DENND2C: variants seen among roughly 807,000 people sequenced by gnomAD.
DENND2C encodes DENN domain containing 2C.
DENND2C carries 72 observed loss-of-function variants against 112.4 expected under a neutral mutation model. That is an observed-to-expected ratio of 0.64 (90% CI 0.53 to 0.78). The LOEUF is 0.78. DENND2C is among the 30% of genes least tolerant of loss of function. DENND2C has a pLI of 0.00. For missense variants in DENND2C, 992 were observed against 1,113.8 expected (o/e 0.89, Z 1.56); for synonymous variants, 329 against 381.6 (o/e 0.86, Z 1.61).
At chr1:114,660,060 G>A (rs1657453363) in intron 1 of DENND2C, among the ~76,000 whole-genome samples, 1 of 152,126 alleles carries the variant, frequency 6.6e-6, no homozygotes. Context: ...CAAGTGCTGG[G>A]ATTAAAGGCA....
At chr1:114,604,527 T>C (rs1029020391) in intron 11 of DENND2C, among the ~76,000 whole-genome samples, 3 of 152,174 alleles carry the variant, frequency 2.0e-5, no homozygotes, top group Non-Finnish European at 2.9e-5. Flanking sequence ...TTCTGTTAAT[T>C]TGAAGAAGAA....
Position 114,662,500 on chromosome 1 carries a change from C to T in DENND2C, c.-574+7483G>A, listed in dbSNP as rs534117949. On this transcript the variant is annotated intron_variant, in intron 1 of 20. Transcript: ENST00000393274. ...CCTTTGTTGTAAATATTTATCACTG[C>T]TATGAAAACTACGAAAGTTAGACAT... is the stretch of plus-strand genomic sequence containing the variant. Among the ~76,000 whole-genome samples the T allele has an allele frequency of 6.6e-5, 10 of 152,220 alleles. No individual in the cohort carries two copies. In the East Asian group the frequency reaches 1.9e-3, roughly 29 times the overall value.
intron 2 of DENND2C, among the ~76,000 whole-genome samples, chr1:114,650,182 G>A (rs1384208340): frequency 2.0e-5 from 3 of 151,910 alleles, no homozygotes; most frequent in Non-Finnish European, 4.4e-5. Context: ...AATTAGCCAG[G>A]CGTGGTGTTG....
At chr1:114,605,316 G>A (rs1375700395) in intron 10 of DENND2C, among the ~76,000 whole-genome samples, 3 of 152,182 alleles carry the variant, frequency 2.0e-5, no homozygotes, top group African/African-American at 7.2e-5. Context: ...TTAGTGAAAA[G>A]TTTCCTATCA....
chr1:114,586,588 A>AT (rs1655044044), intron 20 of DENND2C: 1 of 152,058 alleles, frequency 6.6e-6, no homozygotes, highest in South Asian at 2.1e-4. Flanking sequence ...TGAAACTAGC[A>AT]TCATGGTTTA....
chr1:114,656,650 C>T (rs924446708), intron 1 of DENND2C, among the ~76,000 whole-genome samples: 8 of 151,524 alleles, frequency 5.3e-5, no homozygotes, highest in African/African-American at 1.9e-4. Flanking sequence ...CCTGCCTCGG[C>T]CTCCCAAAGT....
chr1:114,594,234 G>A (rs1655277431), intron 18 of DENND2C, among the ~76,000 whole-genome samples: 1 of 152,192 alleles, frequency 6.6e-6, no homozygotes, highest in Non-Finnish European at 1.5e-5. Context: ...GAAAGGGCAG[G>A]AGTCATGTGG....
rs1654945380 is a variant in DENND2C, at chr1:114,583,222, C to T, written c.*2378G>A. 1 of 152,194 alleles carries T rather than the reference C, an allele frequency of 6.6e-6. No individual in the cohort carries two copies. Among genetic ancestry groups the T allele is most frequent in the South Asian group, 2.1e-4 (1 of 4,818 alleles). 9.4% of individuals were successfully genotyped at this position (152,194 alleles called of 1,614,324 possible). Reference sequence around the variant, plus strand: ...ACAGGCTCAGTTCTATTCCCTGGACCCACATCTGTAGGAATTATATTATAC... The same window carrying T: ...ACAGGCTCAGTTCTATTCCCTGGACTCACATCTGTAGGAATTATATTATAC... On this transcript the variant is annotated 3_prime_UTR_variant, in exon 21 of 21. Coordinates refer to ENST00000393274, the MANE Select transcript of DENND2C (RefSeq NM_001256404.2).
At chr1:114,665,559 AGTTTATCACAT>A (rs1657625540) in intron 1 of DENND2C, among the ~76,000 whole-genome samples, 1 of 152,222 alleles carries the variant, frequency 6.6e-6, no homozygotes. Context: ...ACCCTTCGTA[AGTTTATCACAT>A]GTTGACTAAC....
chr1:114,588,063 CTG>C (rs1655090263), intron 18 of DENND2C, 111 bp from the exon 19 acceptor site: 1 of 899,782 alleles, frequency 1.1e-6, no homozygotes, highest in Admixed American at 2.6e-5. Context: ...GATTAAAGGA[CTG>C]AGAATAAATC....
At chr1:114,650,714 A>G (rs1241159522) in intron 2 of DENND2C, among the ~76,000 whole-genome samples, 2 of 151,458 alleles carry the variant, frequency 1.3e-5, no homozygotes, top group Non-Finnish European at 2.9e-5. Flanking sequence ...GACTACAGAC[A>G]TAACAGGCTT....
intron 1 of DENND2C, among the ~76,000 whole-genome samples, chr1:114,662,659 G>T (rs1055535452): frequency 3.3e-5 from 5 of 151,772 alleles, no homozygotes; most frequent in Non-Finnish European, 5.9e-5. Flanking sequence ...AAAAAATCTT[G>T]AATTTATTCC....
intron 4 of DENND2C, 37 bp downstream of exon 4, chr1:114,625,142 A>C: frequency 6.5e-7 from 1 of 1,531,712 alleles, no homozygotes; most frequent in Non-Finnish European, 8.7e-7. Context: ...TGTAAGGAAA[A>C]TACCTACAAG....
Position 114,625,423 on chromosome 1 carries a change from T to G in DENND2C, c.562A>C (p.Thr188Pro), listed in dbSNP as rs773604251. 6.2e-7 allele frequency: 1 copy of G among 1,614,170 alleles called. No individual in the cohort carries two copies. Among genetic ancestry groups the G allele is most frequent in the Non-Finnish European group, 8.5e-7 (1 of 1,180,016 alleles). Residue 188 changes from threonine to proline, a missense_variant, in exon 4 of 21, where the codon ACC (threonine) becomes CCC (proline). This residue lies in a region of DENND2C where 470 missense variants were observed against 472.7 expected (regional missense o/e 0.99). Coordinates refer to ENST00000393274, the MANE Select transcript of DENND2C (RefSeq NM_001256404.2). Reference sequence around the variant, plus strand: ...GAGTAAATATTTTCTAAGCTCTTGGTTATTCCGTATGAACTATCCAGAACT... The same window carrying G: ...GAGTAAATATTTTCTAAGCTCTTGGGTATTCCGTATGAACTATCCAGAACT... ...FRVLDSSYGI[T>P]KSLENIYSEP...
At chr1:114,653,795 T>C (rs1657234302) in intron 2 of DENND2C, among the ~76,000 whole-genome samples, 1 of 152,162 alleles carries the variant, frequency 6.6e-6, no homozygotes, top group Non-Finnish European at 1.5e-5. Context: ...AGATATCACT[T>C]CCAATAATTT....
intron 8 of DENND2C, among the ~76,000 whole-genome samples, chr1:114,617,706 C>A (rs1570776696): frequency 2.1e-5 from 3 of 145,822 alleles, no homozygotes; most frequent in Non-Finnish European, 1.5e-5. Context: ...GTCTGAAGAA[C>A]AGATTGAAAA....
At chr1:114,653,401 G>A (rs148419250) in intron 2 of DENND2C, among the ~76,000 whole-genome samples, 3,007 of 152,136 alleles carry the variant, frequency 0.02, 99 homozygotes, top group African/African-American at 0.067. Context: ...GAGCCACTGC[G>A]CCCAGCCTCC....
At chr1:114,591,883 T>A (rs1655202596) in intron 18 of DENND2C, among the ~76,000 whole-genome samples, 1 of 149,460 alleles carries the variant, frequency 6.7e-6, no homozygotes, top group East Asian at 1.9e-4. Context: ...TTATTATTTT[T>A]ATTATTATTA....
chr1:114,656,396 T>C lies in DENND2C; in HGVS notation c.-573-1635A>G, dbSNP rs999587991. Among the ~76,000 whole-genome samples the C allele has an allele frequency of 3.5e-5, 4 of 114,126 alleles. No homozygotes were observed. The Admixed American group carries it at 3.6e-4, about 10-fold the overall frequency. 74.9% of individuals were successfully genotyped at this position (114,126 alleles called of 152,430 possible). Reference sequence around the variant, plus strand: ...GCCTGTTATAAACATTCTTTTTCTTTCTTTCTTTTTTTTTTTTTTGAGACA... The same window carrying C: ...GCCTGTTATAAACATTCTTTTTCTTCCTTTCTTTTTTTTTTTTTTGAGACA... On this transcript the variant is annotated intron_variant, in intron 1 of 20. Transcript: ENST00000393274.
Sources: allele counts gnomAD v4.1 joint callset (sites outside exome capture counted in the v4.1 genomes callset), GRCh38; gene constraint gnomAD v4.1.1; regional missense constraint gnomAD v4.1.1; transcripts MANE v1.5; gene names NCBI Gene and HGNC (gene_info 2026-07-23, HGNC 2026-07-21).